Variants in SLCO1B3 observed in about 807,000 individuals in gnomAD.
SLCO1B3 encodes liver-specific organic anion transporter 2.
In SLCO1B3, 72 loss-of-function variants were observed where a neutral mutation model predicts 71.8. The observed-to-expected ratio is 1.00, with a 90% CI of 0.83 to 1.22. The LOEUF is 1.22. SLCO1B3 is among the 50% of genes most tolerant of loss of function. The probability of loss-of-function intolerance (pLI) is 0.00; values close to 1 mark genes in which losing one functional copy is unlikely to be tolerated. For missense variants in SLCO1B3, 911 were observed against 819.7 expected, an observed-to-expected ratio of 1.11 and a Z score of -1.36; for synonymous variants, 298 against 278.4, an observed-to-expected ratio of 1.07 and a Z score of -0.70.
intron 3 of SLCO1B3, among the ~76,000 whole-genome samples, chr12:20,824,818 A>T (rs916111868): frequency 1.3e-5 from 2 of 152,176 alleles, no homozygotes; most frequent in African/African-American, 4.8e-5. Context: ...AAATATATGA[A>T]GTCAAAGTAC....
Position 20,914,653 on chromosome 12 carries a change from T to C in SLCO1B3, c.1866-1351T>C, listed in dbSNP as rs561431585. 5.3e-5 allele frequency among the ~76,000 whole-genome samples: 8 copies of C among 152,296 alleles called. 1 individual carries two copies. The South Asian group carries it at 1.7e-3, about 32-fold the overall frequency. On this transcript the variant is annotated intron_variant, in intron 15 of 15. Transcript: ENST00000381545. ...ATCCGAGTTTATGACCTATATCATT[T>C]TCCTTCTAACAAACTTCTTTTAAGA...
chr12:20,848,766 T>C (rs1413289162), intron 3 of SLCO1B3, among the ~76,000 whole-genome samples: 1 of 151,974 alleles, frequency 6.6e-6, no homozygotes, highest in Non-Finnish European at 1.5e-5. Context: ...TTCAAATATA[T>C]GAGATTCTGG....
intron 8 of SLCO1B3, among the ~76,000 whole-genome samples, chr12:20,863,367 A>C (rs2121256453): frequency 6.6e-6 from 1 of 152,282 alleles, no homozygotes; most frequent in East Asian, 1.9e-4. Flanking sequence ...AGAACAAATG[A>C]ATGAAGGAGA....
chr12:20,846,687 G>T (rs1382190900), intron 3 of SLCO1B3, among the ~76,000 whole-genome samples: 1 of 152,172 alleles, frequency 6.6e-6, no homozygotes, highest in African/African-American at 2.4e-5. Flanking sequence ...TTTGAGTCAT[G>T]CAGGTGTAGT....
At chr12:20,822,842 TG>T (rs1468710910) in intron 3 of SLCO1B3, among the ~76,000 whole-genome samples, 1 of 152,210 alleles carries the variant, frequency 6.6e-6, no homozygotes, top group Non-Finnish European at 1.5e-5. Context: ...AGCTTAATTT[TG>T]TTTCTTATGT....
chr12:20,880,778 C>CTTAA lies in SLCO1B3; in HGVS notation c.1332-77_1332-76insTTAA, dbSNP rs1190432769. The CTTAA allele has an allele frequency of 6.4e-6, 6 of 930,910 alleles. No homozygotes were observed. The East Asian group carries it at 1.4e-4, about 22-fold the overall frequency. The allele number at this position is 930,910 out of a possible 1,614,324, so 57.7% of individuals were successfully genotyped here. A position where few individuals can be genotyped will look rare whatever the true frequency, so the allele number is the denominator to read the frequency against. Reference sequence around the variant, plus strand: ...CCTCCTCTATTTCCCCTCTCCTTATCCCCTTGTCTCCCTCTTCTGCTCTTT... The same window carrying CTTAA: ...CCTCCTCTATTTCCCCTCTCCTTATCTTAACCCTTGTCTCCCTCTTCTGCTCTTT... On this transcript the variant is annotated intron_variant, in intron 11 of 15. Transcript: ENST00000381545.
At chr12:20,875,541 A>G in intron 9 of SLCO1B3, 64 bp downstream of exon 9, 1 of 1,388,388 alleles carries the variant, frequency 7.2e-7, no homozygotes, top group Non-Finnish European at 9.8e-7. Context: ...AGAAGTGAGT[A>G]AAAAAAAATA....
chr12:20,880,983 C>A lies in SLCO1B3; in HGVS notation c.1460C>A (p.Ala487Glu), dbSNP rs774704176. The change falls in exon 12 of 16, where the codon GCA (alanine) becomes GAA (glutamate). Residue 487 changes from alanine to glutamate, a missense_variant. Coordinates refer to ENST00000381545, the MANE Select transcript of SLCO1B3 (RefSeq NM_019844.4). ...NGITYLSPCL[A>E]GCKSSSGIKK... is the part of the protein sequence containing the mutation. ...ATAACTTACCTGTCACCTTGTCTAG[C>A]AGGATGCAAATCCTCAAGTGGTATT... The A allele has an allele frequency of 8.7e-6, 14 of 1,611,948 alleles. No individual in the cohort carries two copies. The East Asian group carries it at 3.1e-4, about 36-fold the overall frequency.
intron 3 of SLCO1B3, among the ~76,000 whole-genome samples, chr12:20,830,331 G>T (rs1214184802): frequency 6.6e-6 from 1 of 152,154 alleles, no homozygotes; most frequent in Non-Finnish European, 1.5e-5. Context: ...GGGGAGACAG[G>T]CCTGTGCCTT....
chr12:20,861,978 G>A (rs1354886500), intron 6 of SLCO1B3, among the ~76,000 whole-genome samples: 5 of 151,966 alleles, frequency 3.3e-5, no homozygotes, highest in African/African-American at 1.2e-4. Flanking sequence ...AGAAGAGATT[G>A]TTTAACCAAA....
chr12:20,834,445 C>A (rs889553844), intron 3 of SLCO1B3, among the ~76,000 whole-genome samples: 1 of 144,144 alleles, frequency 6.9e-6, no homozygotes, highest in African/African-American at 2.5e-5. Flanking sequence ...TATAATATAA[C>A]CTTAGGTAGG....
intron 3 of SLCO1B3, among the ~76,000 whole-genome samples, chr12:20,817,538 A>G (rs1429835847): frequency 3.3e-5 from 5 of 152,042 alleles, no homozygotes; most frequent in Non-Finnish European, 5.9e-5. Context: ...TCATTGGTCT[A>G]TGTGTCTGTT....
At chr12:20,888,431 A>T (rs550142624) in intron 13 of SLCO1B3, among the ~76,000 whole-genome samples, 140 of 151,800 alleles carry the variant, frequency 9.2e-4, no homozygotes, top group African/African-American at 3.3e-3. Context: ...GTTTAAATGT[A>T]TTACTATTTT....
chr12:20,907,233 A>G (rs1461402942), intron 15 of SLCO1B3, among the ~76,000 whole-genome samples: 2 of 152,180 alleles, frequency 1.3e-5, no homozygotes, highest in East Asian at 1.9e-4. Flanking sequence ...ACTTTCTTCT[A>G]CCTGATGTGT....
At chr12:20,828,533 A>C (rs569369738) in intron 3 of SLCO1B3, among the ~76,000 whole-genome samples, 1 of 152,206 alleles carries the variant, frequency 6.6e-6, no homozygotes, top group African/African-American at 2.4e-5. Flanking sequence ...GAAGTAAATG[A>C]ATGAAACAGT....
chr12:20,810,838 G>T (rs1322326608), intron 1 of SLCO1B3, 74 bp downstream of exon 1: 1 of 152,108 alleles, frequency 6.6e-6, no homozygotes, highest in African/African-American at 2.4e-5. Context: ...CAGTGAAAAT[G>T]TTTTTGGTAG....
rs1864097481 is a variant in SLCO1B3, at chr12:20,810,773, C to T, written c.-181+9C>T. On this transcript the variant is annotated intron_variant, in intron 1 of 15. Coordinates refer to ENST00000381545, the MANE Select transcript of SLCO1B3 (RefSeq NM_019844.4). ...TAGCATTCAAAGTCAAGGTAAGAAC[C>T]GTCGAGGTTGTCTAATTAAAACATT... 5 of 152,058 alleles carry T rather than the reference C, an allele frequency of 3.3e-5. No individual in the cohort carries two copies. Among genetic ancestry groups the T allele is most frequent in the Admixed American group, 2.6e-4 (4 of 15,270 alleles). 9.4% of individuals were successfully genotyped at this position (152,058 alleles called of 1,614,324 possible). A position where few individuals can be genotyped will look rare whatever the true frequency, so the allele number is the denominator to read the frequency against.
intron 3 of SLCO1B3, among the ~76,000 whole-genome samples, chr12:20,852,233 G>C (rs1388702240): frequency 6.6e-6 from 1 of 152,130 alleles, no homozygotes; most frequent in Non-Finnish European, 1.5e-5. Context: ...CCAGGGCTTT[G>C]GAAGTCTGAG....
chr12:20,856,782 A>C (rs1158148678), intron 4 of SLCO1B3, among the ~76,000 whole-genome samples: 4 of 151,972 alleles, frequency 2.6e-5, no homozygotes, highest in African/African-American at 9.7e-5. Context: ...CTGATCTCAA[A>C]CTCCTAGCCT....
Sources: gnomAD v4.1 joint callset for allele counts (sites outside exome capture counted in the v4.1 genomes callset) on GRCh38, gnomAD v4.1.1 for gene constraint, MANE v1.5 for transcripts, NCBI Gene and HGNC (gene_info 2026-07-23, HGNC 2026-07-21) for gene names.